Variants in PTPRD observed in about 807,000 individuals in gnomAD.
The protein encoded by PTPRD is receptor-type tyrosine-protein phosphatase delta.
A neutral mutation model predicts 214.5 loss-of-function variants in PTPRD; 34 were observed. The ratio of observed to expected loss-of-function variants is 0.16; its 90% CI spans 0.12 to 0.21. The LOEUF is 0.21. Among genes scored for constraint, PTPRD ranks in the 10% least tolerant of loss-of-function variants. The pLI, the probability that PTPRD is intolerant of heterozygous loss-of-function variation, is 1.00. For missense variants in PTPRD, 2,545 were observed against 2,398.7 expected, an observed-to-expected ratio of 1.06 and a Z score of -1.27; for synonymous variants, 1,128 against 845.7, an observed-to-expected ratio of 1.33 and a Z score of -5.79.
chr9:9,363,087 T>A (rs1014741835), intron 9 of PTPRD, among the ~76,000 whole-genome samples: 4 of 147,712 alleles, frequency 2.7e-5, no homozygotes, highest in Admixed American at 6.9e-5. Context: ...AGAATAATTA[T>A]CAGGAAATCA....
intron 5 of PTPRD, among the ~76,000 whole-genome samples, chr9:9,848,878 A>G (rs934009559): frequency 1.4e-4 from 22 of 152,214 alleles, no homozygotes; most frequent in Non-Finnish European, 2.4e-4. Flanking sequence ...TCAATAACAT[A>G]CTTTAAATTT....
Position 9,673,404 on chromosome 9 carries a change from G to GA in PTPRD, c.-287+61128dup, listed in dbSNP as rs1241154493. On this transcript the variant is annotated intron_variant, in intron 7 of 45. Coordinates refer to ENST00000381196, the MANE Select transcript of PTPRD (RefSeq NM_002839.4). ...GCTCAAATTATTAGATAGAACTCTG[G>GA]AAAAAAAGGATAAACTTCCCATAGT... 2.2e-4 allele frequency among the ~76,000 whole-genome samples: 34 copies of GA among 151,522 alleles called. 4 individuals are homozygous for GA. The highest frequency in any genetic ancestry group is 2.0e-3 in the Admixed American group (30 of 15,232).
intron 3 of PTPRD, among the ~76,000 whole-genome samples, chr9:10,261,369 G>A (rs112674752): frequency 6.6e-6 from 1 of 151,974 alleles, no homozygotes; most frequent in East Asian, 1.9e-4. Flanking sequence ...CATTGCTAAT[G>A]TTATGAACAT....
chr9:8,959,097 T>A (rs1423363288), intron 11 of PTPRD, among the ~76,000 whole-genome samples: 1 of 152,058 alleles, frequency 6.6e-6, no homozygotes, highest in Non-Finnish European at 1.5e-5. Flanking sequence ...ATTATCTTAT[T>A]GTGACAATGG....
intron 4 of PTPRD, among the ~76,000 whole-genome samples, chr9:9,972,717 T>C (rs987363852): frequency 5.3e-5 from 8 of 152,214 alleles, no homozygotes; most frequent in Non-Finnish European, 8.8e-5. Context: ...GGACAGTCCA[T>C]TTCCTTACCT....
chr9:8,774,117 A>C (rs1230093000), intron 11 of PTPRD, among the ~76,000 whole-genome samples: 2 of 152,182 alleles, frequency 1.3e-5, no homozygotes, highest in Admixed American at 6.5e-5. Flanking sequence ...AGCTCCTCAG[A>C]TATGTTTCCT....
intron 9 of PTPRD, among the ~76,000 whole-genome samples, chr9:9,195,621 A>G (rs2099938079): frequency 1.3e-5 from 2 of 151,840 alleles, no homozygotes; most frequent in South Asian, 4.2e-4. Context: ...GAAACCTTTC[A>G]TTTGAATGGA....
rs543732714 is a variant in PTPRD, at chr9:8,864,305, C to T, written c.-103-130359G>A. Among the ~76,000 whole-genome samples the T allele has an allele frequency of 8.5e-5, 13 of 152,290 alleles. No individual in the cohort carries two copies. The South Asian group carries it at 2.3e-3, about 27-fold the overall frequency. ...GCATTTGTTTAAAATTTCATTTGCACAAGCCTGACTCTTATCTCTCAAGAC... is the reference window on the plus strand; with the variant it reads ...GCATTTGTTTAAAATTTCATTTGCATAAGCCTGACTCTTATCTCTCAAGAC... On this transcript the variant is annotated intron_variant, in intron 11 of 45. Coordinates refer to ENST00000381196, the MANE Select transcript of PTPRD (RefSeq NM_002839.4).
chr9:10,347,827 G>A (rs1453305536), intron 2 of PTPRD, among the ~76,000 whole-genome samples: 2 of 152,072 alleles, frequency 1.3e-5, no homozygotes, highest in South Asian at 2.1e-4. Context: ...GGAGGCCGAG[G>A]CAGGAGGATC....
intron 14 of PTPRD, among the ~76,000 whole-genome samples, chr9:8,557,298 G>C (rs1254906950): frequency 6.6e-6 from 1 of 151,896 alleles, no homozygotes; most frequent in African/African-American, 2.4e-5. Flanking sequence ...CCTAAGACTA[G>C]CACAGTGTCT....
intron 3 of PTPRD, among the ~76,000 whole-genome samples, chr9:10,166,739 A>G (rs868826790): frequency 4.1e-4 from 63 of 152,222 alleles, no homozygotes; most frequent in South Asian, 4.1e-4. Context: ...GAAAGTCAGG[A>G]TACTAATATA....
chr9:9,982,603 G>A lies in PTPRD; in HGVS notation c.-471-43993C>T, dbSNP rs114466130. On this transcript the variant is annotated intron_variant, in intron 4 of 45. Transcript: ENST00000381196. ...TGAGGTAAGTTTCTTTCTTCCCTCAGGATAAGAATCAACACTTCCAGTTGC... is the reference window on the plus strand; with the variant it reads ...TGAGGTAAGTTTCTTTCTTCCCTCAAGATAAGAATCAACACTTCCAGTTGC... Among the ~76,000 whole-genome samples, 1,114 of 151,840 alleles carry A rather than the reference G, an allele frequency of 7.3e-3. 20 individuals carry two copies. Among genetic ancestry groups the A allele is most frequent in the African/African-American group, 0.026 (1,060 of 41,368 alleles).
chr9:8,500,855 T>A lies in PTPRD; in HGVS notation c.2027A>T (p.Gln676Leu), dbSNP rs1420516217. Residue 676 changes from glutamine (Q) to leucine (L), a missense_variant, in exon 24 of 46, where the codon CAG (glutamine) becomes CTG (leucine). Physicochemically the swap from Gln to Leu is moderately radical, Grantham distance 113. Transcript: ENST00000381196. ...CCGGTATTCAGTCCATTTTTCCAGC[T>A]GTTCCAAAAGGTATTTGGTAGTGTC... Reference protein sequence around the residue: ...PSDTTKYLLEQLEKWTEYRIT... With the variant: ...PSDTTKYLLELLEKWTEYRIT... The A allele has an allele frequency of 5.0e-6, 8 of 1,614,080 alleles. No homozygotes were observed. Among genetic ancestry groups the A allele is most frequent in the Non-Finnish European group, 5.9e-6 (7 of 1,180,022 alleles).
At chr9:9,788,563 A>AG (rs2098943718) in intron 5 of PTPRD, among the ~76,000 whole-genome samples, 1 of 150,858 alleles carries the variant, frequency 6.6e-6, no homozygotes, top group Non-Finnish European at 1.5e-5. Context: ...AAAAAAAAAA[A>AG]AAGAAAGAAA....
chr9:10,371,125 A>G (rs766477957), intron 2 of PTPRD, among the ~76,000 whole-genome samples: 10 of 151,948 alleles, frequency 6.6e-5, no homozygotes, highest in Non-Finnish European at 8.8e-5. Context: ...TTCTATTATT[A>G]TATATCTCCA....
chr9:9,532,617 T>C (rs752152263), intron 8 of PTPRD, among the ~76,000 whole-genome samples: 1 of 152,140 alleles, frequency 6.6e-6, no homozygotes, highest in Non-Finnish European at 1.5e-5. Flanking sequence ...CATCTTTGAG[T>C]CTGTGCTGCT....
intron 2 of PTPRD, among the ~76,000 whole-genome samples, chr9:10,373,914 T>C (rs56008414): frequency 0.031 from 4,705 of 152,158 alleles, 258 homozygotes; most frequent in African/African-American, 0.11. Context: ...ATTTACATTA[T>C]CATCATGTTC....
At chr9:10,412,296 A>G (rs554786542) in intron 2 of PTPRD, among the ~76,000 whole-genome samples, 6 of 151,976 alleles carry the variant, frequency 3.9e-5, no homozygotes, top group Non-Finnish European at 5.9e-5. Context: ...CTCTATGCAC[A>G]CAAAATAGAA....
chr9:9,201,115 C>G (rs2099941586), intron 9 of PTPRD, among the ~76,000 whole-genome samples: 1 of 152,078 alleles, frequency 6.6e-6, no homozygotes, highest in African/African-American at 2.4e-5. Context: ...TATTTGACTA[C>G]AAACACTGAC....
Sources: gnomAD v4.1 joint callset for allele counts (sites outside exome capture counted in the v4.1 genomes callset) on GRCh38, gnomAD v4.1.1 for gene constraint, MANE v1.5 for transcripts, NCBI Gene and HGNC (gene_info 2026-07-23, HGNC 2026-07-21) for gene names.